The following KRTAP4-16 variants were observed in gnomAD, a reference collection of about 807,000 sequenced individuals.
The protein encoded by KRTAP4-16 is keratin associated protein 4-16, also known as keratin-associated protein 4-16.
For synonymous variants in KRTAP4-16, 140 were observed against 88.8 expected (o/e 1.58, Z -3.24); for missense variants, 378 against 233.5 (o/e 1.62, Z -4.03).
rs771814683 is a variant in KRTAP4-16, at chr17:41,102,124, C to A, written c.86G>T (p.Cys29Phe). 9 of 1,562,028 alleles carry A rather than the reference C, an allele frequency of 5.8e-6. No individual in the cohort carries two copies. The South Asian group carries it at 6.7e-5, about 12-fold the overall frequency. Reference sequence around the variant, plus strand: ...GGTGGTTCTGCAGCAGGTGGTCTGACAACAGCTGGGGTGACAGCAGTTGGG... The same window carrying A: ...GGTGGTTCTGCAGCAGGTGGTCTGAAAACAGCTGGGGTGACAGCAGTTGGG... Residue 29 changes from cysteine to phenylalanine, a missense_variant, in exon 1 of 1, where the codon TGT (cysteine) becomes TTT (phenylalanine). Cys to Phe is a radical substitution (Grantham distance 205). Coordinates refer to ENST00000440582, the Ensembl canonical transcript of KRTAP4-16.
At chr17:41,101,902 C>T in exon 1 of KRTAP4-16, 1 of 1,610,958 alleles carries the variant, frequency 6.2e-7, no homozygotes, top group Non-Finnish European at 8.5e-7. Context: ...GGGGTGGCAG[C>T]AGGTGGGCTG....
At chr17:41,101,907 G>A in exon 1 of KRTAP4-16, 4 of 1,611,040 alleles carry the variant, frequency 2.5e-6, no homozygotes, top group South Asian at 2.2e-5. Flanking sequence ...GGCAGCAGGT[G>A]GGCTGGAAGC....
chr17:41,101,869 C>T, exon 1 of KRTAP4-16: 1 of 1,607,972 alleles, frequency 6.2e-7, no homozygotes, highest in Non-Finnish European at 8.5e-7. Flanking sequence ...AGAGGGGCAG[C>T]AGCTGCTGGA....
chr17:41,102,017 G>A (rs751900716), exon 1 of KRTAP4-16: 38 of 1,592,118 alleles, frequency 2.4e-5, no homozygotes, highest in Admixed American at 9.5e-5. Flanking sequence ...CAGCTGGGGC[G>A]GCAGCAGGTG....
exon 1 of KRTAP4-16, chr17:41,102,174 A>T: frequency 7.2e-7 from 1 of 1,390,020 alleles, no homozygotes; most frequent in Non-Finnish European, 1.0e-6. Context: ...ACAGACTGGA[A>T]GCACTGGGGC....
chr17:41,101,964 G>A (rs187499917), exon 1 of KRTAP4-16: 5 of 1,604,532 alleles, frequency 3.1e-6, no homozygotes, highest in Non-Finnish European at 1.7e-6. Context: ...ACACACAGCA[G>A]CTGGGGTGGC....
rs561492741 is a variant in KRTAP4-16, at chr17:41,101,644, G to T, written c.566C>A (p.Pro189His). Reference sequence around the variant, plus strand: ...CACTGGGGAGAGGAGGGGAGGGGAAGGGCGGGGAGGGGAGGGGAGGGCAAG... The same window carrying T: ...CACTGGGGAGAGGAGGGGAGGGGAATGGCGGGGAGGGGAGGGGAGGGCAAG... Residue 189 changes from proline (P) to histidine (H), a missense_variant, in exon 1 of 1, where the codon CCT (proline) becomes CAT (histidine). Transcript: ENST00000440582. 4.1e-5 allele frequency: 21 copies of T among 507,750 alleles called. 1 individual carries two copies. The African/African-American group carries it at 6.0e-4, about 15-fold the overall frequency. 31.5% of individuals were successfully genotyped at this position (507,750 alleles called of 1,614,324 possible).
chr17:41,101,873 TGCTGGAGATGCAGCA>T, exon 1 of KRTAP4-16: 1 of 1,608,754 alleles, frequency 6.2e-7, no homozygotes, highest in Non-Finnish European at 8.5e-7. Flanking sequence ...GGGCAGCAGC[TGCTGGAGATGCAGCA>T]GCTGGGGTGG....
exon 1 of KRTAP4-16, chr17:41,101,536 A>C: frequency 2.7e-6 from 1 of 370,766 alleles, no homozygotes; most frequent in Non-Finnish European, 4.8e-6. Flanking sequence ...AACACTGGGG[A>C]AATGAGGGGA....
chr17:41,101,679 G>C, exon 1 of KRTAP4-16: 1 of 649,410 alleles, frequency 1.5e-6, no homozygotes, highest in South Asian at 1.6e-5. Flanking sequence ...GGGAAAGGAA[G>C]AAAGGGAGGG....
the KRTAP4-16 span, chr17:41,101,576 A>AGGGGC: frequency 4.4e-6 from 1 of 229,136 alleles, no homozygotes. Context: ...AGGGGAGGGG[A>AGGGGC]AAGTGAAGGG....
rs753372224 is a variant in KRTAP4-16 at position 41,101,758 on chromosome 17, G to A, written c.452C>T (p.Ser151Phe). 85 of 1,476,942 alleles carry A rather than the reference G, an allele frequency of 5.8e-5. 1 individual carries two copies. The East Asian group carries it at 2.1e-3, about 36-fold the overall frequency. 91.5% of individuals were successfully genotyped at this position (1,476,942 alleles called of 1,614,324 possible). Residue 151 changes from serine (S) to phenylalanine (F), a missense_variant, in exon 1 of 1, where the codon TCC (serine) becomes TTC (phenylalanine). Physicochemically the swap from Ser to Phe is radical, Grantham distance 155 (BLOSUM62 -2). Coordinates refer to ENST00000440582, the Ensembl canonical transcript of KRTAP4-16. ...ACAGCACAAGGGGTGGGGGCAGGTG[G>A]AGATGACACAGGTTGGGTGATAGCA...
exon 1 of KRTAP4-16, chr17:41,101,811 G>A (rs2013990049): frequency 5.7e-6 from 9 of 1,578,762 alleles, no homozygotes; most frequent in Non-Finnish European, 7.7e-6. Flanking sequence ...CTCGACCACA[G>A]ACTGGACGCA....
chr17:41,101,530 C>G, exon 1 of KRTAP4-16: 1 of 387,528 alleles, frequency 2.6e-6, no homozygotes, highest in East Asian at 5.7e-5. Flanking sequence ...GGGATTAACA[C>G]TGGGGAAATG....
rs965071563 is a variant in KRTAP4-16, at chr17:41,101,878, G to A, written c.332C>T (p.Ser111Phe). Residue 111 changes from serine (S) to phenylalanine (F), a missense_variant, in exon 1 of 1, where the codon TCC (serine) becomes TTC (phenylalanine). Physicochemically the swap from Ser to Phe is radical, Grantham distance 155. Transcript: ENST00000440582. ...ACAGCAAGAGGGGCAGCAGCTGCTGGAGATGCAGCAGCTGGGGTGGCAGCA... is the reference window on the plus strand; with the variant it reads ...ACAGCAAGAGGGGCAGCAGCTGCTGAAGATGCAGCAGCTGGGGTGGCAGCA... 4.3e-6 allele frequency: 7 copies of A among 1,609,656 alleles called. No homozygotes were observed. In the African/African-American group the frequency reaches 9.4e-5, roughly 22 times the overall value.
exon 1 of KRTAP4-16, chr17:41,101,969 G>T: frequency 6.2e-7 from 1 of 1,610,522 alleles, no homozygotes; most frequent in South Asian, 1.1e-5. Flanking sequence ...CAGCAGCTGG[G>T]GTGGCAGCAG....
exon 1 of KRTAP4-16, chr17:41,102,030 C>T (rs1567962165): frequency 3.8e-6 from 6 of 1,590,460 alleles, no homozygotes; most frequent in South Asian, 1.1e-5. Context: ...AGCAGGTGGG[C>T]TGGCAGCACA....
At chr17:41,101,574 G>T in exon 1 of KRTAP4-16, 1 of 387,106 alleles carries the variant, frequency 2.6e-6, no homozygotes, top group Admixed American at 5.3e-5. Context: ...GGAGGGGAGG[G>T]GAAAGTGAAG....
At chr17:41,102,074 A>G in exon 1 of KRTAP4-16, 1 of 1,593,958 alleles carries the variant, frequency 6.3e-7, no homozygotes, top group Non-Finnish European at 8.6e-7. Context: ...CAGCAGCTGG[A>G]CACAGAGCAG....
Sources: allele counts gnomAD v4.1 joint callset, GRCh38; gene constraint gnomAD v4.1.1; transcripts MANE v1.5; gene names NCBI Gene and HGNC (gene_info 2026-07-23, HGNC 2026-07-21).